The following CERS4 variants were observed in gnomAD, a reference collection of about 807,000 sequenced individuals.
CERS4 encodes the protein LAG1 homolog, ceramide synthase 4.
A neutral mutation model predicts 51.8 loss-of-function variants in CERS4; 65 were observed. The ratio of observed to expected loss-of-function variants is 1.26; its 90% confidence interval spans 1.03 to 1.54. The LOEUF is 1.54. Among genes scored for constraint, CERS4 ranks in the 40% most tolerant of loss-of-function variants. The pLI is 0.00. For missense variants in CERS4, 563 were observed against 500.4 expected (o/e 1.13, Z -1.19); for synonymous variants, 228 against 208.4 (o/e 1.09, Z -0.81).
At chr19:8,214,412 C>T (rs75069583) in intron 2 of CERS4, 8,078 of 152,622 alleles carry the variant, frequency 0.053, 279 homozygotes, top group East Asian at 0.16. Context: ...AGCAGCTAGA[C>T]ATCTGGAGGA....
intron 2 of CERS4, among the ~76,000 whole-genome samples, chr19:8,230,435 C>T (rs1967963849): frequency 6.6e-6 from 1 of 152,146 alleles, no homozygotes; most frequent in Admixed American, 6.6e-5. Context: ...AGTGATCCGC[C>T]CAATTCAGCC....
At chr19:8,233,262 T>G (rs1181847014) in intron 2 of CERS4, among the ~76,000 whole-genome samples, 1 of 151,970 alleles carries the variant, frequency 6.6e-6, no homozygotes, top group East Asian at 1.9e-4. Flanking sequence ...GCCTCCCAGG[T>G]TCAAGCGATT....
chr19:8,221,423 A>G (rs1276774326), intron 2 of CERS4, among the ~76,000 whole-genome samples: 1 of 152,156 alleles, frequency 6.6e-6, no homozygotes, highest in Non-Finnish European at 1.5e-5. Flanking sequence ...TTTCACGGCT[A>G]GCCTCTGCAC....
At chr19:8,221,734 C>T (rs1329521111) in intron 2 of CERS4, among the ~76,000 whole-genome samples, 2 of 151,298 alleles carry the variant, frequency 1.3e-5, no homozygotes, top group African/African-American at 4.9e-5. Flanking sequence ...GAGGCTTCAC[C>T]ATGCTGAGGT....
chr19:8,256,401 C>T, intron 7 of CERS4, 115 bp downstream of exon 7: 1 of 1,246,572 alleles, frequency 8.0e-7, no homozygotes, highest in Non-Finnish European at 1.1e-6. Context: ...CCACTGAGTC[C>T]CACGCTCTTT....
chr19:8,256,085 G>A (rs1809156798), intron 6 of CERS4, 151 bp from the exon 7 acceptor site: 1 of 965,224 alleles, frequency 1.0e-6, no homozygotes, highest in Non-Finnish European at 1.6e-6. Flanking sequence ...CAGTGAATGA[G>A]CCCCCCAGTC....
chr19:8,234,413 T>G (rs1222605374), intron 2 of CERS4, among the ~76,000 whole-genome samples: 1 of 152,100 alleles, frequency 6.6e-6, no homozygotes, highest in African/African-American at 2.4e-5. Context: ...TCCTCCCGAG[T>G]AGCTGCACCA....
At position 8,212,940 on chromosome 19, in the gene CERS4, G is replaced by A. The variant is rs118021256; in HGVS notation, c.-2+2078G>A. On this transcript the variant is annotated intron_variant, in intron 2 of 11. Transcript: ENST00000251363. ...TGGGATTACAGGTGTGAGCCACTGCGCCCAGCCCGTCTCACTTTCTTTTGT... is the reference window on the plus strand; with the variant it reads ...TGGGATTACAGGTGTGAGCCACTGCACCCAGCCCGTCTCACTTTCTTTTGT... Among the ~76,000 whole-genome samples the A allele has an allele frequency of 7.7e-3, 1,164 of 152,008 alleles. 8 individuals carry two copies. The highest frequency in any genetic ancestry group is 0.012 in the Non-Finnish European group (806 of 67,972).
intron 10 of CERS4, among the ~76,000 whole-genome samples, chr19:8,260,110 GC>G (rs1037584302): frequency 2.0e-5 from 3 of 152,134 alleles, no homozygotes. Flanking sequence ...AGCTGGTGGG[GC>G]TGCAGGGCTG....
At chr19:8,237,057 A>G (rs1038757263) in intron 2 of CERS4, among the ~76,000 whole-genome samples, 28 of 143,834 alleles carry the variant, frequency 1.9e-4, no homozygotes, top group Middle Eastern at 3.6e-3. Flanking sequence ...AAATCTGTTT[A>G]TTTCTTAGCT....
At chr19:8,242,312 C>T (rs949870537) in intron 2 of CERS4, among the ~76,000 whole-genome samples, 2 of 152,170 alleles carry the variant, frequency 1.3e-5, no homozygotes, top group African/African-American at 4.8e-5. Context: ...GAGAGTAGGA[C>T]CTCTGGGGCC....
rs201297985 is a variant in CERS4 at position 8,261,739 on chromosome 19, C to T, written c.900C>T (p.Phe300=). 49 of 1,614,030 alleles carry T rather than the reference C, an allele frequency of 3.0e-5. No individual in the cohort carries two copies. Among genetic ancestry groups the T allele is most frequent in the East Asian group, 6.7e-5 (3 of 44,896 alleles). Residue 300 remains phenylalanine, a synonymous_variant, in exon 11 of 12, where the codon TTC becomes TTT. Coordinates refer to ENST00000251363, the MANE Select transcript of CERS4 (RefSeq NM_024552.3). ...YESISNRGPF[F]GYYFFNGLLM... ...CCATCAGCAACAGGGGCCCCTTCTT[C>T]GGCTACTACTTCTTCAACGGGCTTC... is the stretch of plus-strand genomic sequence containing the variant.
rs750408023 is a variant in CERS4, at chr19:8,262,401, A to G, written c.*292A>G. 14 of 348,378 alleles carry G rather than the reference A, an allele frequency of 4.0e-5. No homozygotes were observed. The highest frequency in any genetic ancestry group is 5.2e-5 in the Non-Finnish European group (10 of 194,024). 21.6% of individuals were successfully genotyped at this position (348,378 alleles called of 1,614,324 possible). On this transcript the variant is annotated 3_prime_UTR_variant, in exon 12 of 12. Transcript: ENST00000251363. ...GGAGCCCCAGGCTGAAAAGGGTCCAATTAAAACAAATGGAGCCAAATTTTC... is the reference window on the plus strand; with the variant it reads ...GGAGCCCCAGGCTGAAAAGGGTCCAGTTAAAACAAATGGAGCCAAATTTTC...
At chr19:8,252,987 G>A (rs545896246) in intron 3 of CERS4, among the ~76,000 whole-genome samples, 28 of 152,300 alleles carry the variant, frequency 1.8e-4, no homozygotes, top group South Asian at 1.4e-3. Context: ...AGGGTTAGAC[G>A]AGCCAATGTA....
chr19:8,253,048 C>G (rs964622852), intron 3 of CERS4, among the ~76,000 whole-genome samples: 3 of 152,210 alleles, frequency 2.0e-5, no homozygotes, highest in Non-Finnish European at 4.4e-5. Context: ...TCATTCTCTC[C>G]GCATCATGAT....
chr19:8,235,078 G>A (rs1480152744), intron 2 of CERS4, among the ~76,000 whole-genome samples: 1 of 139,262 alleles, frequency 7.2e-6, no homozygotes, highest in African/African-American at 2.7e-5. Context: ...GCAGGATCTC[G>A]GCTCACTGCA....
chr19:8,233,188 C>T (rs933260971), intron 2 of CERS4, among the ~76,000 whole-genome samples: 2 of 151,354 alleles, frequency 1.3e-5, no homozygotes, highest in East Asian at 1.9e-4. Context: ...TTTTGGGGGG[C>T]GGAGTCTTGC....
intron 2 of CERS4, among the ~76,000 whole-genome samples, chr19:8,217,537 GTTT>G (rs567486585): frequency 1.5e-5 from 2 of 134,522 alleles, no homozygotes; most frequent in Non-Finnish European, 1.6e-5. Flanking sequence ...CCTGGCTAAT[GTTT>G]TTTTTTTTTT....
At chr19:8,260,079 C>T (rs780337669) in intron 10 of CERS4, among the ~76,000 whole-genome samples, 44 of 152,054 alleles carry the variant, frequency 2.9e-4, no homozygotes, top group Non-Finnish European at 5.3e-4. Context: ...GGAGGGAGGG[C>T]TGCTGGCAAC....
Sources: gnomAD v4.1 joint callset for allele counts (sites outside exome capture counted in the v4.1 genomes callset) on GRCh38, gnomAD v4.1.1 for gene constraint, MANE v1.5 for transcripts, NCBI Gene and HGNC (gene_info 2026-07-23, HGNC 2026-07-21) for gene names.